The following REDIC1 variants were observed in gnomAD, a reference collection of about 807,000 sequenced individuals.
REDIC1 encodes the protein regulator of DNA class I crossover intermediates 1, also known as HEI10 Interacting Protein 1.
At chr12:39,712,519 A>G in the REDIC1 span, among the ~76,000 whole-genome samples, 1 of 143,330 alleles carries the variant, frequency 7.0e-6, no homozygotes, top group Non-Finnish European at 1.5e-5. Flanking sequence ...GTACGTATAT[A>G]CACGACATAT....
At chr12:39,759,998 A>T in the REDIC1 span, 3 of 1,578,212 alleles carry the variant, frequency 1.9e-6, no homozygotes, top group African/African-American at 4.1e-5. Flanking sequence ...AGTTTGTTTA[A>T]ATAACTAAAT....
At chr12:39,866,653 G>C in the REDIC1 span, among the ~76,000 whole-genome samples, 1 of 152,052 alleles carries the variant, frequency 6.6e-6, no homozygotes, top group Admixed American at 6.5e-5. Flanking sequence ...CTAATTTTTT[G>C]TATTTTTAGT....
the REDIC1 span, among the ~76,000 whole-genome samples, chr12:39,693,006 T>C: frequency 1.3e-4 from 20 of 152,148 alleles, no homozygotes; most frequent in Non-Finnish European, 2.8e-4. Flanking sequence ...TTCTAATTTA[T>C]ATTTCTCTGA....
At chr12:39,731,356 G>A in the REDIC1 span, among the ~76,000 whole-genome samples, 1 of 152,160 alleles carries the variant, frequency 6.6e-6, no homozygotes, top group Admixed American at 6.5e-5. Context: ...CATCCTTTTT[G>A]TTGATGTTAA....
the REDIC1 span, chr12:39,871,791 C>T: frequency 7.5e-6 from 12 of 1,589,868 alleles, no homozygotes; most frequent in African/African-American, 1.5e-4. Context: ...TTTATCCAGC[C>T]ACCTACCTGC....
At chr12:39,745,531 C>A in the REDIC1 span, among the ~76,000 whole-genome samples, 1 of 152,120 alleles carries the variant, frequency 6.6e-6, no homozygotes, top group Non-Finnish European at 1.5e-5. Flanking sequence ...AGAATGAAAT[C>A]ATGTACATTA....
chr12:39,748,020 T>C, the REDIC1 span, among the ~76,000 whole-genome samples: 1 of 152,168 alleles, frequency 6.6e-6, no homozygotes, highest in Non-Finnish European at 1.5e-5. Flanking sequence ...CTGCATCAAC[T>C]AACGAGCAAA....
the REDIC1 span, among the ~76,000 whole-genome samples, chr12:39,730,630 C>T: frequency 3.9e-5 from 6 of 152,078 alleles, no homozygotes; most frequent in African/African-American, 4.8e-5. Flanking sequence ...CTGACGACTA[C>T]GTGTCTTGGG....
the REDIC1 span, among the ~76,000 whole-genome samples, chr12:39,858,067 G>A: frequency 4.1e-4 from 62 of 152,252 alleles, no homozygotes; most frequent in Middle Eastern, 6.8e-3. Flanking sequence ...AAGTTATGGC[G>A]AACTCAAAGA....
chr12:39,785,916 A>G, the REDIC1 span, among the ~76,000 whole-genome samples: 2 of 152,148 alleles, frequency 1.3e-5, no homozygotes, highest in Admixed American at 1.3e-4. Context: ...AATTTACCCA[A>G]TACCTGTATC....
chr12:39,882,150 ATACT>A, the REDIC1 span, among the ~76,000 whole-genome samples: 1 of 151,924 alleles, frequency 6.6e-6, no homozygotes, highest in African/African-American at 2.4e-5. Flanking sequence ...ACCCACAATA[ATACT>A]TACTATGTGA....
chr12:39,902,587 T>C, the REDIC1 span, among the ~76,000 whole-genome samples: 1 of 152,076 alleles, frequency 6.6e-6, no homozygotes, highest in African/African-American at 2.4e-5. Flanking sequence ...GAAGAAATTA[T>C]CTTGTCCTCA....
the REDIC1 span, chr12:39,746,179 T>A: frequency 6.6e-6 from 1 of 152,096 alleles, no homozygotes; most frequent in African/African-American, 2.4e-5. Flanking sequence ...GGAATTCCCT[T>A]TCCTAGCCAA....
chr12:39,712,416 A>T, the REDIC1 span, among the ~76,000 whole-genome samples: 7 of 133,678 alleles, frequency 5.2e-5, no homozygotes, highest in African/African-American at 1.9e-4. Context: ...ACATACGTAT[A>T]TACATACGTA....
the REDIC1 span, among the ~76,000 whole-genome samples, chr12:39,633,875 T>C: frequency 1.3e-5 from 2 of 152,234 alleles, no homozygotes; most frequent in Non-Finnish European, 2.9e-5. Context: ...TTTTTCTTCT[T>C]GTCAGCAATT....
At chr12:39,639,361 C>T in the REDIC1 span, among the ~76,000 whole-genome samples, 2 of 151,892 alleles carry the variant, frequency 1.3e-5, no homozygotes, top group Non-Finnish European at 2.9e-5. Flanking sequence ...TGCCTGATCT[C>T]AGAAACTAAG....
chr12:39,691,138 T>C, the REDIC1 span, among the ~76,000 whole-genome samples: 3 of 152,038 alleles, frequency 2.0e-5, no homozygotes, highest in Admixed American at 2.0e-4. Context: ...TGGAGGATTG[T>C]GGGGAAGATT....
At chr12:39,778,362 T>C in the REDIC1 span, among the ~76,000 whole-genome samples, 3 of 152,202 alleles carry the variant, frequency 2.0e-5, no homozygotes, top group South Asian at 6.2e-4. Context: ...ATCCAACTTA[T>C]TGCCAGCTCT....
At chr12:39,812,337 TTTTTCTTTTC>T in the REDIC1 span, among the ~76,000 whole-genome samples, 7,886 of 135,172 alleles carry the variant, frequency 0.058, 250 homozygotes, top group South Asian at 0.11. Flanking sequence ...ACTAATTTCT[TTTTTCTTTTC>T]TTTTCTTTTC....
Sources: allele counts gnomAD v4.1 joint callset (sites outside exome capture counted in the v4.1 genomes callset), GRCh38; gene constraint gnomAD v4.1.1; transcripts MANE v1.5; gene names NCBI Gene and HGNC (gene_info 2026-07-23, HGNC 2026-07-21).